Variants in CCND1 observed in about 807,000 individuals in gnomAD.
CCND1 encodes the protein cyclin D1, also known as G1/S-specific cyclin-D1.
A neutral mutation model predicts 26.1 loss-of-function variants in CCND1; 9 were observed. That is an observed-to-expected ratio of 0.35 (90% CI 0.21 to 0.60). CCND1 has a LOEUF of 0.60. Among genes scored for constraint, CCND1 ranks in the 20% least tolerant of loss-of-function variants. The pLI is 0.79. For synonymous variants in CCND1, 194 were observed against 166.1 expected, an observed-to-expected ratio of 1.17 and a Z score of -1.29; for missense variants, 335 against 392.9, an observed-to-expected ratio of 0.85 and a Z score of 1.25.
chr11:69,648,429 G>A (rs1243219816), intron 4 of CCND1, among the ~76,000 whole-genome samples: 1 of 152,254 alleles, frequency 6.6e-6, no homozygotes, highest in Non-Finnish European at 1.5e-5. Flanking sequence ...GGCCCCAGGC[G>A]GCCCCAGCCA....
In CCND1 at chr11:69,651,207, CGAGGAGGAGGAA is replaced by C. The variant is rs1565073771; in HGVS notation, c.825_836del (p.Glu277_Glu280del). 27 of 1,606,180 alleles carry C rather than the reference CGAGGAGGAGGAA, an allele frequency of 1.7e-5. No homozygotes were observed. Among genetic ancestry groups the C allele is most frequent in the Middle Eastern group, 1.7e-4 (1 of 6,024 alleles). ...AGCAGAACATGGACCCCAAGGCCGC[CGAGGAGGAGGAA>C]GAGGAGGAGGAGGAGGTGGACCTGG... is the stretch of plus-strand genomic sequence containing the variant. On this transcript the variant is annotated inframe_deletion, in exon 5 of 5. Coordinates refer to ENST00000227507, the MANE Select transcript of CCND1 (RefSeq NM_053056.3).
intron 3 of CCND1, among the ~76,000 whole-genome samples, chr11:69,645,397 G>A (rs1400351100): frequency 6.6e-6 from 1 of 152,186 alleles, no homozygotes; most frequent in African/African-American, 2.4e-5. Context: ...GGGTGCTAGT[G>A]GGAGGCAGTG....
chr11:69,649,863 G>A (rs1855833524), intron 4 of CCND1, among the ~76,000 whole-genome samples: 1 of 152,212 alleles, frequency 6.6e-6, no homozygotes, highest in South Asian at 2.1e-4. Flanking sequence ...TGAACGTCAG[G>A]AGTCTTGTAT....
rs770559369 is a variant in CCND1 at position 69,643,063 on chromosome 11, C to T, written c.231C>T (p.Val77=). 47 of 1,606,964 alleles carry T rather than the reference C, an allele frequency of 2.9e-5. No homozygotes were observed. The highest frequency in any genetic ancestry group is 3.4e-5 in the Admixed American group (2 of 59,352). ...AGGAACAGAAGTGCGAGGAGGAGGT[C>T]TTCCCGCTGGCCATGAACTACCTGG... The part of the protein sequence containing the change: ...VCEEQKCEEE[V]FPLAMNYLDR... The change falls in exon 2 of 5, where the codon GTC becomes GTT. Residue 77 remains valine (V), a synonymous_variant. Coordinates refer to ENST00000227507, the MANE Select transcript of CCND1 (RefSeq NM_053056.3).
chr11:69,647,087 C>T (rs1423866006), intron 3 of CCND1, among the ~76,000 whole-genome samples: 1 of 152,226 alleles, frequency 6.6e-6, no homozygotes, highest in Non-Finnish European at 1.5e-5. Context: ...CGGCTCCCGG[C>T]CCAGTCCTCC....
rs558040778 is a variant in CCND1, at chr11:69,649,673, C to T, written c.724-1445C>T. ...CTGGCTGTGGGAGAACAGCTTTGTC[C>T]ACCGGGGTAGCCTTGCAGGCAGCTG... On this transcript the variant is annotated intron_variant, in intron 4 of 4. Coordinates refer to ENST00000227507, the MANE Select transcript of CCND1 (RefSeq NM_053056.3). Among the ~76,000 whole-genome samples, 241 of 152,328 alleles carry T rather than the reference C, an allele frequency of 1.6e-3. 2 individuals carry two copies. Among genetic ancestry groups the T allele is most frequent in the Admixed American group, 3.5e-3 (54 of 15,296 alleles).
intron 4 of CCND1, 33 bp downstream of exon 4, chr11:69,648,175 C>A: frequency 6.2e-7 from 1 of 1,611,758 alleles, no homozygotes; most frequent in Non-Finnish European, 8.5e-7. Context: ...GCAGCCTTGC[C>A]GGGGCTTACA....
At chr11:69,650,477 T>C (rs1201138442) in intron 4 of CCND1, among the ~76,000 whole-genome samples, 1 of 152,156 alleles carries the variant, frequency 6.6e-6, no homozygotes, top group Admixed American at 6.5e-5. Context: ...TCCGTCGCAC[T>C]CCACCCGAGG....
At position 69,641,185 on chromosome 11, in the gene CCND1, A is replaced by G. The variant is rs1282432882; in HGVS notation, c.-129A>G. The G allele has an allele frequency of 2.2e-6, 2 of 898,754 alleles. No homozygotes were observed. The highest frequency in any genetic ancestry group is 3.5e-6 in the Non-Finnish European group (2 of 563,734). 55.7% of individuals were successfully genotyped at this position (898,754 alleles called of 1,614,324 possible). On this transcript the variant is annotated 5_prime_UTR_variant, in exon 1 of 5. Transcript: ENST00000227507. The stretch of plus-strand genomic sequence containing the variant: ...GGCTGTCGGCGCAGTAGCAGCGAGC[A>G]GCAGAGTCCGCACGCTCCGGCGAGG...
rs1172784292 is a variant in CCND1 at position 69,649,059 on chromosome 11, T to C, written c.723+917T>C. Among the ~76,000 whole-genome samples the C allele has an allele frequency of 2.6e-5, 4 of 152,168 alleles. No individual in the cohort carries two copies. The East Asian group carries it at 7.7e-4, about 29-fold the overall frequency. On this transcript the variant is annotated intron_variant, in intron 4 of 4. Coordinates refer to ENST00000227507, the MANE Select transcript of CCND1 (RefSeq NM_053056.3). ...GAAGTTGGCAGGGGCCTCCCTTCTG[T>C]GTTCTCGGCCATGGCCTCCCTTGCA...
chr11:69,643,708 G>A (rs1855741499), intron 2 of CCND1, 124 bp from the exon 3 acceptor site: 3 of 857,584 alleles, frequency 3.5e-6, no homozygotes, highest in Non-Finnish European at 5.3e-6. Context: ...AGGACCGCAC[G>A]AGACGCAGGG....
At chr11:69,650,744 G>T (rs1025734050) in intron 4 of CCND1, among the ~76,000 whole-genome samples, 20 of 152,186 alleles carry the variant, frequency 1.3e-4, no homozygotes, top group African/African-American at 4.8e-4. Context: ...GGGTTCAAAG[G>T]GCCTCCTGTC....
chr11:69,653,842 G>A lies in CCND1; in HGVS notation c.*2560G>A, dbSNP rs1043974781. The A allele has an allele frequency of 2.3e-5, 8 of 350,356 alleles. No homozygotes were observed. The highest frequency in any genetic ancestry group is 1.4e-4 in the South Asian group (2 of 14,654). The allele number at this position is 350,356 out of a possible 1,614,324, so 21.7% of individuals were successfully genotyped here. On this transcript the variant is annotated 3_prime_UTR_variant, in exon 5 of 5. Transcript: ENST00000227507. ...CGTTGTACCTGTAGGACTCTCATTC[G>A]GGATGATTGGAATAGCTTCTGGAAT...
At chr11:69,644,315 C>T (rs1855752145) in intron 3 of CCND1, 3 of 357,182 alleles carry the variant, frequency 8.4e-6, no homozygotes, top group South Asian at 6.7e-5. Flanking sequence ...AAGGGGTTTA[C>T]CTTGGCCACA....
At position 69,651,281 on chromosome 11, in the gene CCND1, G is replaced by A. The variant is rs2120121410; in HGVS notation, c.887G>A (p.Ter296=). The A allele has an allele frequency of 6.7e-7, 1 of 1,500,442 alleles. No homozygotes were observed. The highest frequency in any genetic ancestry group is 8.9e-7 in the Non-Finnish European group (1 of 1,121,192). The allele number at this position is 1,500,442 out of a possible 1,614,324, so 92.9% of individuals were successfully genotyped here. A position where few individuals can be genotyped will look rare whatever the true frequency, so the allele number is the denominator to read the frequency against. ...TPTDVRDVDI[*] Reference sequence around the variant, plus strand: ...ACCGACGTGCGGGACGTGGACATCTGAGGGCGCCAGGCAGGCGGGCGCCAC... The same window carrying A: ...ACCGACGTGCGGGACGTGGACATCTAAGGGCGCCAGGCAGGCGGGCGCCAC... Residue 296 remains the stop codon, a stop_retained_variant, in exon 5 of 5, where the codon TGA becomes TAA. Coordinates refer to ENST00000227507, the MANE Select transcript of CCND1 (RefSeq NM_053056.3).
At position 69,641,279 on chromosome 11, in the gene CCND1, C is replaced by G. The variant is rs11557585; in HGVS notation, c.-35C>G. Reference sequence around the variant, plus strand: ...CGAGCGCGGACCCAGCCAGGACCCACAGCCCTCCCCAGCTGCCCAGGAAGA... The same window carrying G: ...CGAGCGCGGACCCAGCCAGGACCCAGAGCCCTCCCCAGCTGCCCAGGAAGA... On this transcript the variant is annotated 5_prime_UTR_variant, in exon 1 of 5. Coordinates refer to ENST00000227507, the MANE Select transcript of CCND1 (RefSeq NM_053056.3). 1,115 of 1,595,542 alleles carry G rather than the reference C, an allele frequency of 7.0e-4. 5 individuals are homozygous for G. The African/African-American group carries it at 8.3e-3, about 12-fold the overall frequency.
intron 3 of CCND1, among the ~76,000 whole-genome samples, chr11:69,645,911 G>A (rs1017754334): frequency 6.6e-6 from 1 of 152,198 alleles, no homozygotes; most frequent in African/African-American, 2.4e-5. Flanking sequence ...GGCTCCGTGG[G>A]AGGCCAGGTG....
In CCND1 at chr11:69,643,981, C is replaced by T. The variant is rs1184195977; in HGVS notation, c.564C>T (p.Leu188=). 1 of 1,613,260 alleles carries T rather than the reference C, an allele frequency of 6.2e-7. No individual in the cohort carries two copies. Among genetic ancestry groups the T allele is most frequent in the Non-Finnish European group, 8.5e-7 (1 of 1,180,006 alleles). Residue 188 remains leucine, a synonymous_variant, in exon 3 of 5, where the codon CTC becomes CTT. Transcript: ENST00000227507. ...IRKHAQTFVA[L]CATDVKFISN... is the part of the protein sequence containing the mutation. ...AACACGCGCAGACCTTCGTTGCCCTCTGTGCCACAGGTAGGGCAGGCCCGG... is the reference window on the plus strand; with the variant it reads ...AACACGCGCAGACCTTCGTTGCCCTTTGTGCCACAGGTAGGGCAGGCCCGG...
intron 4 of CCND1, among the ~76,000 whole-genome samples, chr11:69,648,668 C>A (rs2120112289): frequency 6.6e-6 from 1 of 152,130 alleles, no homozygotes; most frequent in East Asian, 2.0e-4. Flanking sequence ...TTGTTTTATT[C>A]CCGAGTCTTT....
Sources: allele counts gnomAD v4.1 joint callset (sites outside exome capture counted in the v4.1 genomes callset), GRCh38; gene constraint gnomAD v4.1.1; transcripts MANE v1.5; gene names NCBI Gene and HGNC (gene_info 2026-07-23, HGNC 2026-07-21).